NUP133: variants seen among roughly 807,000 people sequenced by gnomAD.
NUP133 encodes nucleoporin 133, also known as nuclear pore complex protein Nup133.
A neutral mutation model predicts 146.2 loss-of-function variants in NUP133; 66 were observed. The observed-to-expected ratio is 0.45, with a 90% confidence interval of 0.37 to 0.55. NUP133 has a LOEUF of 0.55. Among genes scored for constraint, NUP133 ranks in the 20% least tolerant of loss-of-function variants. The probability of loss-of-function intolerance (pLI) is 0.00; values close to 1 mark genes in which losing one functional copy is unlikely to be tolerated. For missense variants in NUP133, 1,277 were observed against 1,374.8 expected (o/e 0.93, Z 1.12); for synonymous variants, 521 against 498.8 (o/e 1.04, Z -0.59).
At chr1:229,453,009 A>T (rs1438666516) in intron 21 of NUP133, among the ~76,000 whole-genome samples, 1 of 151,992 alleles carries the variant, frequency 6.6e-6, no homozygotes, top group African/African-American at 2.4e-5. Flanking sequence ...ATTCAGTAAA[A>T]TTTTTCCCAC....
intron 8 of NUP133, among the ~76,000 whole-genome samples, chr1:229,490,700 C>T (rs865895999): frequency 2.0e-5 from 3 of 152,258 alleles, no homozygotes; most frequent in South Asian, 4.1e-4. Flanking sequence ...CGGTGGCTCA[C>T]GTCTGTAATC....
Position 229,450,595 on chromosome 1 carries a change from C to T in NUP133, c.3110G>A (p.Cys1037Tyr). 2 of 1,543,288 alleles carry T rather than the reference C, an allele frequency of 1.3e-6. No individual in the cohort carries two copies. Among genetic ancestry groups the T allele is most frequent in the Non-Finnish European group, 8.9e-7 (1 of 1,122,992 alleles). ...TTCATTAGCTCTTCTATTTTCTTCA[C>T]AGATATATAGCTATGACAAGTTAAA... ...TAPQLIGLYI[C>Y]EENRRANEYD... Residue 1037 changes from cysteine to tyrosine, a missense_variant, in exon 23 of 26, where the codon TGT (cysteine) becomes TAT (tyrosine). Coordinates refer to ENST00000261396, the MANE Select transcript of NUP133 (RefSeq NM_018230.3).
In NUP133 at chr1:229,452,603, G is replaced by T. The variant is rs771153151; in HGVS notation, c.3021C>A (p.Thr1007=). 4 of 1,613,474 alleles carry T rather than the reference G, an allele frequency of 2.5e-6. No individual in the cohort carries two copies. The Admixed American group carries it at 6.7e-5, about 27-fold the overall frequency. The change falls in exon 22 of 26, where the codon ACC becomes ACA. Residue 1007 remains threonine, a synonymous_variant. Coordinates refer to ENST00000261396, the MANE Select transcript of NUP133 (RefSeq NM_018230.3). ...EQERFLLHQE[T]LPEQLLAEKQ... is the part of the protein sequence containing the mutation. ...TCTCCGCCAGCAGCTGTTCAGGTAGGGTCTCCTGATGCAGTAGAAAGCGCT... is the reference window on the plus strand; with the variant it reads ...TCTCCGCCAGCAGCTGTTCAGGTAGTGTCTCCTGATGCAGTAGAAAGCGCT...
Position 229,463,681 on chromosome 1 carries a change from G to C in NUP133, c.2552-5C>G, listed in dbSNP as rs759835057. On this transcript the variant is annotated splice_region_variant and splice_polypyrimidine_tract_variant and intron_variant, in intron 18 of 25. Transcript: ENST00000261396. ...ACAGGTACTGGCCTAGTGAAACTGTGGGAATGAGAAAAGATGGGAAAAAAT... is the reference window on the plus strand; with the variant it reads ...ACAGGTACTGGCCTAGTGAAACTGTCGGAATGAGAAAAGATGGGAAAAAAT... 1.9e-6 allele frequency: 3 copies of C among 1,587,630 alleles called. No individual in the cohort carries two copies. The highest frequency in any genetic ancestry group is 2.3e-5 in the South Asian group (2 of 85,808).
At chr1:229,465,614 A>G in intron 16 of NUP133, 95 bp from the exon 17 acceptor site, 1 of 937,424 alleles carries the variant, frequency 1.1e-6, no homozygotes, top group Non-Finnish European at 1.7e-6. Flanking sequence ...TTAGTAAGAA[A>G]AAATACTCAG....
chr1:229,469,687 CAAGG>C (rs1226336274), intron 15 of NUP133, among the ~76,000 whole-genome samples: 3 of 152,234 alleles, frequency 2.0e-5, no homozygotes, highest in Non-Finnish European at 4.4e-5. Flanking sequence ...TGCGCACAGG[CAAGG>C]AAGAAAGCTG....
intron 15 of NUP133, among the ~76,000 whole-genome samples, chr1:229,468,802 C>G (rs530268957): frequency 6.6e-6 from 1 of 152,280 alleles, no homozygotes; most frequent in East Asian, 1.9e-4. Flanking sequence ...ATGACAACAA[C>G]TTGATTTGTT....
intron 11 of NUP133, 141 bp from the exon 12 acceptor site, chr1:229,484,286 A>G (rs1661292829): frequency 2.0e-6 from 1 of 501,568 alleles, no homozygotes; most frequent in African/African-American, 1.9e-5. Flanking sequence ...AGGGGTGTCC[A>G]ATCTTTTGGC....
intron 21 of NUP133, among the ~76,000 whole-genome samples, 200 bp downstream of exon 21, chr1:229,457,961 T>C (rs765964506): frequency 2.0e-5 from 3 of 152,198 alleles, no homozygotes; most frequent in Non-Finnish European, 2.9e-5. Flanking sequence ...GAATTCTTAT[T>C]TAAAATACAA....
Position 229,441,323 on chromosome 1 carries a change from T to A in NUP133, c.*581A>T. The stretch of plus-strand genomic sequence containing the variant: ...ACTTTCATTAGTGCTCATTTATTAT[T>A]TATGTAGAAAAGTTTAAAATGCTCC... On this transcript the variant is annotated 3_prime_UTR_variant, in exon 26 of 26. Coordinates refer to ENST00000261396, the MANE Select transcript of NUP133 (RefSeq NM_018230.3). 2.2e-6 allele frequency: 1 copy of A among 460,146 alleles called. No individual in the cohort carries two copies. The highest frequency in any genetic ancestry group is 4.5e-6 in the Non-Finnish European group (1 of 223,826). 28.5% of individuals were successfully genotyped at this position (460,146 alleles called of 1,614,324 possible).
rs773112861 is a variant in NUP133, at chr1:229,498,263, C to A, written c.692G>T (p.Arg231Leu). 1.2e-6 allele frequency: 2 copies of A among 1,604,612 alleles called. No individual in the cohort carries two copies. The highest frequency in any genetic ancestry group is 1.7e-5 in the Admixed American group (1 of 57,190). ...ILSSSGSQLI[R>L]LIPESSGKIH... The stretch of plus-strand genomic sequence containing the variant: ...CTTTCCTGAGCTCTCAGGTATCAAC[C>A]GAATTAGTTGGCTTCCTGATGAAGA... Residue 231 changes from arginine to leucine, a missense_variant, in exon 6 of 26, where the codon CGG becomes CTG. This residue lies in a region of NUP133 where 319 missense variants were observed against 306.9 expected (regional missense o/e 1.04). Coordinates refer to ENST00000261396, the MANE Select transcript of NUP133 (RefSeq NM_018230.3).
chr1:229,470,868 T>C (rs904703139), intron 14 of NUP133, 64 bp from the exon 15 acceptor site: 1 of 1,467,120 alleles, frequency 6.8e-7, no homozygotes, highest in Admixed American at 1.7e-5. Flanking sequence ...ATACCATAGC[T>C]GTATTTTCCC....
intron 9 of NUP133, among the ~76,000 whole-genome samples, chr1:229,489,600 G>C (rs1469804366): frequency 6.6e-6 from 1 of 152,224 alleles, no homozygotes; most frequent in African/African-American, 2.4e-5. Flanking sequence ...GCCACGCAAG[G>C]TGGCTCACAC....
intron 2 of NUP133, among the ~76,000 whole-genome samples, chr1:229,503,142 G>C (rs945848143): frequency 6.6e-6 from 1 of 151,994 alleles, no homozygotes; most frequent in African/African-American, 2.4e-5. Context: ...TGGGGGCATG[G>C]TGGCGTGCAC....
chr1:229,442,596 A>C (rs1660207984), intron 25 of NUP133, among the ~76,000 whole-genome samples: 1 of 152,164 alleles, frequency 6.6e-6, no homozygotes, highest in Non-Finnish European at 1.5e-5. Context: ...ACTGGATGAA[A>C]ATTTTCAAAT....
At chr1:229,495,093 G>A (rs539754904) in intron 8 of NUP133, among the ~76,000 whole-genome samples, 11 of 152,216 alleles carry the variant, frequency 7.2e-5, no homozygotes, top group East Asian at 3.9e-4. Flanking sequence ...GAGAAGACCC[G>A]CACTAAAAGA....
At chr1:229,486,057 G>C (rs1558103161) in intron 11 of NUP133, among the ~76,000 whole-genome samples, 1 of 152,122 alleles carries the variant, frequency 6.6e-6, no homozygotes, top group South Asian at 2.1e-4. Flanking sequence ...AGCTATTTAG[G>C]AAGTTAAGAG....
rs1012045210 is a variant in NUP133, at chr1:229,463,131, G to A, written c.2685+412C>T. 2.6e-5 allele frequency among the ~76,000 whole-genome samples: 4 copies of A among 152,220 alleles called. No individual in the cohort carries two copies. In the South Asian group the frequency reaches 8.3e-4, roughly 32 times the overall value. ...TGTGGTCAGGCGATGGCTCATGCCT[G>A]TTATCCCAGCACTTTGGGAGGCTGA... On this transcript the variant is annotated intron_variant, in intron 19 of 25. Transcript: ENST00000261396.
intron 2 of NUP133, among the ~76,000 whole-genome samples, chr1:229,505,542 T>C (rs1312715775): frequency 7.2e-6 from 1 of 139,172 alleles, no homozygotes; most frequent in Non-Finnish European, 1.5e-5. Context: ...TTCTCGAATG[T>C]ATTATACATC....
Sources: allele counts gnomAD v4.1 joint callset (sites outside exome capture counted in the v4.1 genomes callset), GRCh38; gene constraint gnomAD v4.1.1; regional missense constraint gnomAD v4.1.1; transcripts MANE v1.5; gene names NCBI Gene and HGNC (gene_info 2026-07-23, HGNC 2026-07-21).